DPP6: variants seen among roughly 807,000 people sequenced by gnomAD.
DPP6 encodes the protein A-type potassium channel modulatory protein DPP6.
A neutral mutation model predicts 122.6 loss-of-function variants in DPP6; 69 were observed. The observed-to-expected ratio is 0.56, with a 90% CI of 0.46 to 0.69. The LOEUF is 0.69. DPP6 is among the 30% of genes least tolerant of loss of function. DPP6 has a pLI of 0.00. For synonymous variants in DPP6, 418 were observed against 433.1 expected, an observed-to-expected ratio of 0.97 and a Z score of 0.43; for missense variants, 928 against 1,116.9, an observed-to-expected ratio of 0.83 and a Z score of 2.41.
At chr7:154,294,794 G>A (rs968813827) in intron 1 of DPP6, among the ~76,000 whole-genome samples, 9 of 152,178 alleles carry the variant, frequency 5.9e-5, no homozygotes, top group Admixed American at 5.2e-4. Flanking sequence ...CAGCACGGCA[G>A]TGGAAACATC....
chr7:154,541,319 G>A (rs1828708084), intron 4 of DPP6, among the ~76,000 whole-genome samples: 1 of 152,100 alleles, frequency 6.6e-6, no homozygotes, highest in Admixed American at 6.5e-5. Context: ...TTTGTTTGTA[G>A]AGATAGGGTC....
chr7:154,198,385 C>G (rs1347305480), intron 1 of DPP6, among the ~76,000 whole-genome samples: 4 of 152,134 alleles, frequency 2.6e-5, no homozygotes, highest in East Asian at 1.9e-4. Context: ...GATCTCTACT[C>G]ACTGCAACCT....
At chr7:154,605,547 C>A (rs1833560116) in intron 5 of DPP6, among the ~76,000 whole-genome samples, 1 of 120,094 alleles carries the variant, frequency 8.3e-6, no homozygotes. Flanking sequence ...TTATATTTTT[C>A]TACTAATTAC....
chr7:153,907,560 G>T (rs1486476178), intron 1 of DPP6, among the ~76,000 whole-genome samples: 2 of 152,240 alleles, frequency 1.3e-5, no homozygotes, highest in Admixed American at 1.3e-4. Flanking sequence ...TTCCATGAGG[G>T]TGTTTTGGAT....
chr7:154,409,387 C>G (rs1262844525), intron 1 of DPP6, among the ~76,000 whole-genome samples: 1 of 152,150 alleles, frequency 6.6e-6, no homozygotes, highest in Non-Finnish European at 1.5e-5. Flanking sequence ...CTGCTGACAC[C>G]TTCATCTTGG....
At chr7:153,954,077 C>T (rs899060391) in intron 1 of DPP6, among the ~76,000 whole-genome samples, 6 of 152,174 alleles carry the variant, frequency 3.9e-5, no homozygotes, top group Non-Finnish European at 7.3e-5. Context: ...TACAGATCTC[C>T]ATCGCTTCTA....
chr7:153,858,267 C>T, the DPP6 span, among the ~76,000 whole-genome samples: 1 of 152,154 alleles, frequency 6.6e-6, no homozygotes, highest in African/African-American at 2.4e-5. Context: ...GAAGGCATGA[C>T]ACAGATGACT....
At chr7:153,756,004 T>G in the DPP6 span, among the ~76,000 whole-genome samples, 4 of 152,306 alleles carry the variant, frequency 2.6e-5, no homozygotes, top group Middle Eastern at 3.4e-3. Flanking sequence ...TCTCACACAC[T>G]TGGCTTCAGA....
intron 1 of DPP6, among the ~76,000 whole-genome samples, chr7:154,015,310 A>T (rs933059003): frequency 6.6e-6 from 1 of 152,010 alleles, no homozygotes; most frequent in African/African-American, 2.4e-5. Context: ...ACCTCTCAGC[A>T]TTGAAGTCTT....
intron 2 of DPP6, among the ~76,000 whole-genome samples, chr7:154,449,881 G>A (rs1820207059): frequency 6.6e-6 from 1 of 152,032 alleles, no homozygotes; most frequent in South Asian, 2.1e-4. Flanking sequence ...GGTAACACAT[G>A]CCTGTAGTCC....
chr7:154,260,190 G>A (rs1444758895), intron 1 of DPP6, among the ~76,000 whole-genome samples: 1 of 152,164 alleles, frequency 6.6e-6, no homozygotes, highest in East Asian at 1.9e-4. Flanking sequence ...AGAGGATGTG[G>A]GCTGGAGTCC....
the DPP6 span, among the ~76,000 whole-genome samples, chr7:153,874,086 C>T: frequency 3.3e-4 from 50 of 152,304 alleles, 2 homozygotes; most frequent in South Asian, 0.01. Flanking sequence ...AACTACCTGC[C>T]AGAAGCAAAA....
At chr7:154,459,230 A>G (rs1384033248) in intron 2 of DPP6, among the ~76,000 whole-genome samples, 1 of 152,048 alleles carries the variant, frequency 6.6e-6, no homozygotes, top group Admixed American at 6.5e-5. Flanking sequence ...ACCCCTTACA[A>G]TGTGTAAAGG....
rs575332726 is a variant in DPP6 at position 154,269,357 on chromosome 7, T to C, written c.244-176857T>C. On this transcript the variant is annotated intron_variant, in intron 1 of 25. Coordinates refer to ENST00000377770, the MANE Select transcript of DPP6 (RefSeq NM_130797.4). ...TATTTTGATGGTCAGCTCTTAAGAGTTCTTGCAATAGTTGAATAAAGTGAA... is the reference window on the plus strand; with the variant it reads ...TATTTTGATGGTCAGCTCTTAAGAGCTCTTGCAATAGTTGAATAAAGTGAA... 1.4e-4 allele frequency among the ~76,000 whole-genome samples: 22 copies of C among 152,186 alleles called. No individual in the cohort carries two copies. In the South Asian group the frequency reaches 4.4e-3, roughly 30 times the overall value.
At chr7:154,749,695 AAG>A (rs1459419103) in intron 8 of DPP6, among the ~76,000 whole-genome samples, 1 of 52,192 alleles carries the variant, frequency 1.9e-5, no homozygotes, top group Admixed American at 2.1e-4. Flanking sequence ...TAGGATGGGA[AAG>A]AGAGGGATGG....
chr7:154,523,060 A>G (rs1827131099), intron 3 of DPP6, among the ~76,000 whole-genome samples: 1 of 152,172 alleles, frequency 6.6e-6, no homozygotes, highest in Non-Finnish European at 1.5e-5. Flanking sequence ...GTCATTCCCA[A>G]GTGGTGCCTG....
intron 1 of DPP6, among the ~76,000 whole-genome samples, chr7:154,364,036 C>T (rs764788895): frequency 6.6e-6 from 1 of 152,070 alleles, no homozygotes; most frequent in South Asian, 2.1e-4. Flanking sequence ...TTGCTTGGGA[C>T]GGGAGTGGTC....
chr7:154,014,332 T>C (rs1220512551), intron 1 of DPP6, among the ~76,000 whole-genome samples: 1 of 142,992 alleles, frequency 7.0e-6, no homozygotes, highest in Non-Finnish European at 1.5e-5. Context: ...TCTGTGACCA[T>C]GAATAAGCTA....
At chr7:153,898,481 A>T (rs533948919) in intron 1 of DPP6, among the ~76,000 whole-genome samples, 1 of 152,274 alleles carries the variant, frequency 6.6e-6, no homozygotes, top group East Asian at 1.9e-4. Flanking sequence ...AGAAGAGAAG[A>T]TTTGAAATGT....
Sources: allele counts gnomAD v4.1 joint callset (sites outside exome capture counted in the v4.1 genomes callset), GRCh38; gene constraint gnomAD v4.1.1; transcripts MANE v1.5; gene names NCBI Gene and HGNC (gene_info 2026-07-23, HGNC 2026-07-21).